KIAA0825: variants seen among roughly 807,000 people sequenced by gnomAD.
KIAA0825 encodes the protein KIAA0825.
A neutral mutation model predicts 147.6 loss-of-function variants in KIAA0825; 119 were observed. The ratio of observed to expected loss-of-function variants is 0.81; its 90% CI spans 0.69 to 0.94. KIAA0825 has a LOEUF of 0.94. KIAA0825 is among the 40% of genes least tolerant of loss of function. The pLI is 0.00. For missense variants in KIAA0825, 1,381 were observed against 1,472.7 expected (o/e 0.94, Z 1.02); for synonymous variants, 470 against 518.1 (o/e 0.91, Z 1.26).
intron 20 of KIAA0825, among the ~76,000 whole-genome samples, chr5:94,294,980 G>C (rs906052470): frequency 6.6e-6 from 1 of 152,120 alleles, no homozygotes; most frequent in African/African-American, 2.4e-5. Flanking sequence ...TTGCTAGGTT[G>C]GGGAAGTTCT....
intron 1 of KIAA0825, among the ~76,000 whole-genome samples, chr5:94,602,753 C>T (rs1786730420): frequency 6.6e-6 from 1 of 152,086 alleles, no homozygotes; most frequent in African/African-American, 2.4e-5. Context: ...TCACCTTCCA[C>T]CATGAGTGTA....
intron 20 of KIAA0825, among the ~76,000 whole-genome samples, chr5:94,187,419 T>TA (rs1265289923): frequency 3.3e-5 from 5 of 149,382 alleles, no homozygotes; most frequent in African/African-American, 1.2e-4. Context: ...TTTTTTTTTT[T>TA]TTTTAATTTT....
At chr5:94,333,024 C>A (rs1370215457) in intron 20 of KIAA0825, among the ~76,000 whole-genome samples, 1 of 152,136 alleles carries the variant, frequency 6.6e-6, no homozygotes, top group African/African-American at 2.4e-5. Flanking sequence ...TAAATGTCTT[C>A]TTTTGAAAAG....
At chr5:94,351,077 G>T (rs1440693433) in intron 20 of KIAA0825, among the ~76,000 whole-genome samples, 1 of 151,982 alleles carries the variant, frequency 6.6e-6, no homozygotes, top group Non-Finnish European at 1.5e-5. Context: ...GAGCAATCCA[G>T]ACAAGAGAAA....
chr5:94,581,965 T>C (rs1199559036), intron 2 of KIAA0825, among the ~76,000 whole-genome samples: 2 of 152,242 alleles, frequency 1.3e-5, no homozygotes, highest in Non-Finnish European at 2.9e-5. Context: ...TTATAGTCAA[T>C]GCTTTCAACT....
At chr5:94,197,541 T>C (rs767796111) in intron 20 of KIAA0825, among the ~76,000 whole-genome samples, 43 of 152,216 alleles carry the variant, frequency 2.8e-4, no homozygotes, top group Non-Finnish European at 4.3e-4. Context: ...CATGAAATTG[T>C]TGCCAAGGCC....
At chr5:94,605,394 A>C (rs1787312027) in intron 1 of KIAA0825, among the ~76,000 whole-genome samples, 1 of 152,152 alleles carries the variant, frequency 6.6e-6, no homozygotes, top group Admixed American at 6.5e-5. Flanking sequence ...AAAAGGAGGT[A>C]CTCCTTCCTA....
At chr5:94,188,309 A>G (rs1423198363) in intron 20 of KIAA0825, among the ~76,000 whole-genome samples, 1 of 152,190 alleles carries the variant, frequency 6.6e-6, no homozygotes, top group Non-Finnish European at 1.5e-5. Flanking sequence ...TGAGGCATTT[A>G]TTGTAATTTG....
At chr5:94,252,481 T>A (rs556525841) in intron 20 of KIAA0825, among the ~76,000 whole-genome samples, 8 of 150,936 alleles carry the variant, frequency 5.3e-5, no homozygotes, top group Non-Finnish European at 7.4e-5. Flanking sequence ...AGAGAGAGAG[T>A]GAGTGAGTGT....
intron 20 of KIAA0825, among the ~76,000 whole-genome samples, chr5:94,353,092 AT>A (rs1783874657): frequency 6.6e-6 from 1 of 152,220 alleles, no homozygotes; most frequent in African/African-American, 2.4e-5. Flanking sequence ...AATAAAATAA[AT>A]AAAAATCTTA....
chr5:94,210,907 G>C (rs1772649961), intron 20 of KIAA0825, among the ~76,000 whole-genome samples: 1 of 152,152 alleles, frequency 6.6e-6, no homozygotes, highest in Non-Finnish European at 1.5e-5. Flanking sequence ...TAGTGTACAA[G>C]TAAAAGAATG....
chr5:94,391,567 T>G lies in KIAA0825; in HGVS notation c.3424A>C (p.Arg1142=), dbSNP rs944154220. 1.9e-5 allele frequency: 30 copies of G among 1,551,538 alleles called. No homozygotes were observed. The African/African-American group carries it at 3.8e-4, about 20-fold the overall frequency. Reference sequence around the variant, plus strand: ...AGCTGCATGATGTGATAAATTTGCCTCAGGTACTCCCTGCCACCTGGTTTG... The same window carrying G: ...AGCTGCATGATGTGATAAATTTGCCGCAGGTACTCCCTGCCACCTGGTTTG... The part of the protein sequence containing the change: ...CHKPGGREYL[R]QIYHIMQLNE... Residue 1142 remains arginine, a synonymous_variant, in exon 18 of 21, where the codon AGG becomes CGG. Transcript: ENST00000682413.
chr5:94,225,392 A>G (rs191289436), intron 20 of KIAA0825, among the ~76,000 whole-genome samples: 1 of 152,206 alleles, frequency 6.6e-6, no homozygotes. Context: ...GGACTTTTCA[A>G]CTTAGTTTAT....
At chr5:94,384,275 T>C in intron 20 of KIAA0825, 93 bp downstream of exon 20, 1 of 841,376 alleles carries the variant, frequency 1.2e-6, no homozygotes, top group Non-Finnish European at 1.9e-6. Context: ...CCCAAAAGTA[T>C]GCTAGTAAAA....
chr5:94,330,255 A>G (rs1471568773), intron 20 of KIAA0825, among the ~76,000 whole-genome samples: 1 of 152,246 alleles, frequency 6.6e-6, no homozygotes, highest in Non-Finnish European at 1.5e-5. Flanking sequence ...TTTATAGAAC[A>G]GGTCTCCCAG....
At chr5:94,505,639 CAA>C (rs1391886473) in intron 5 of KIAA0825, among the ~76,000 whole-genome samples, 1 of 151,664 alleles carries the variant, frequency 6.6e-6, no homozygotes, top group Non-Finnish European at 1.5e-5. Context: ...GTCTTTTTTT[CAA>C]AGATTTGTCT....
chr5:94,159,788 G>C (rs1421771772), intron 20 of KIAA0825, among the ~76,000 whole-genome samples: 1 of 151,902 alleles, frequency 6.6e-6, no homozygotes, highest in Admixed American at 6.6e-5. Context: ...CATATTTTTG[G>C]TATTTCTCCT....
At chr5:94,510,286 T>C (rs2151160338) in intron 5 of KIAA0825, among the ~76,000 whole-genome samples, 1 of 152,364 alleles carries the variant, frequency 6.6e-6, no homozygotes, top group East Asian at 1.9e-4. Context: ...TAGTCTTTTT[T>C]ATTTCACTGG....
intron 1 of KIAA0825, among the ~76,000 whole-genome samples, chr5:94,589,185 A>G (rs1036918515): frequency 7.9e-5 from 12 of 152,124 alleles, no homozygotes. Context: ...ACAACAAAAA[A>G]AACAGATTCC....
Sources: allele counts gnomAD v4.1 joint callset (sites outside exome capture counted in the v4.1 genomes callset), GRCh38; gene constraint gnomAD v4.1.1; transcripts MANE v1.5; gene names NCBI Gene and HGNC (gene_info 2026-07-23, HGNC 2026-07-21).